The following PHACTR2 variants were observed in gnomAD, a reference collection of about 807,000 sequenced individuals.
PHACTR2 encodes chromosome 6 open reading frame 56.
PHACTR2 carries 30 observed loss-of-function variants against 76.0 expected under a neutral mutation model. That is an observed-to-expected ratio of 0.39 (90% CI 0.30 to 0.54). The LOEUF is 0.54. PHACTR2 is among the 20% of genes least tolerant of loss of function. The pLI, the probability that PHACTR2 is intolerant of heterozygous loss-of-function variation, is 0.61. For synonymous variants in PHACTR2, 292 were observed against 292.5 expected, an observed-to-expected ratio of 1.00 and a Z score of 0.02; for missense variants, 696 against 781.1, an observed-to-expected ratio of 0.89 and a Z score of 1.30.
intron 1 of PHACTR2, among the ~76,000 whole-genome samples, chr6:143,643,484 A>C (rs1047212576): frequency 3.3e-4 from 50 of 152,228 alleles, no homozygotes; most frequent in African/African-American, 1.2e-3. Flanking sequence ...AAGTCAAGTC[A>C]CTGGTTATAA....
rs1196617659 is a variant in PHACTR2 at position 143,556,555 on chromosome 6, A to T, written c.217+19348A>T. Among the ~76,000 whole-genome samples the T allele has an allele frequency of 6.6e-6, 1 of 152,344 alleles. No individual in the cohort carries two copies. Among genetic ancestry groups the T allele is most frequent in the Middle Eastern group, 3.4e-3 (1 of 294 alleles). Reference sequence around the variant, plus strand: ...AGATGAGAAAAAATATTTTGAGAAAAGTTGACTAGCTCCTCTGCAGTGACA... The same window carrying T: ...AGATGAGAAAAAATATTTTGAGAAATGTTGACTAGCTCCTCTGCAGTGACA... On this transcript the variant is annotated intron_variant, in intron 1 of 11. Transcript: ENST00000367584. The surrounding 1 kb of genome is among the most constrained non-coding windows in gnomAD (Gnocchi z 4.3).
rs1394041263 is a variant in PHACTR2, at chr6:143,809,931, G to A, written c.1922+2798G>A. On this transcript the variant is annotated intron_variant, in intron 12 of 12. Transcript: ENST00000440869. The surrounding 1 kb of genome is among the most constrained non-coding windows in gnomAD (Gnocchi z 4.2). ...GTTCGAGACCAGCCTGGACAACATAGCAAACCCTGTCTCTACTAAAAATAC... is the reference window on the plus strand; with the variant it reads ...GTTCGAGACCAGCCTGGACAACATAACAAACCCTGTCTCTACTAAAAATAC... Among the ~76,000 whole-genome samples, 1 of 151,888 alleles carries A rather than the reference G, an allele frequency of 6.6e-6. No homozygotes were observed. Among genetic ancestry groups the A allele is most frequent in the East Asian group, 1.9e-4 (1 of 5,170 alleles).
At chr6:143,629,024 C>T (rs1392801443) in intron 1 of PHACTR2, among the ~76,000 whole-genome samples, 1 of 142,360 alleles carries the variant, frequency 7.0e-6, no homozygotes, top group African/African-American at 2.6e-5. Flanking sequence ...AACTCTTGAT[C>T]TCCAGTACCT....
intron 12 of PHACTR2, among the ~76,000 whole-genome samples, chr6:143,815,505 T>C (rs1193764148): frequency 6.6e-6 from 1 of 152,140 alleles, no homozygotes; most frequent in African/African-American, 2.4e-5. Flanking sequence ...GGGGAATGAA[T>C]TATTTAGGAG....
At chr6:143,555,546 T>C (rs572641267) in intron 1 of PHACTR2, among the ~76,000 whole-genome samples, 6 of 152,322 alleles carry the variant, frequency 3.9e-5, no homozygotes, top group African/African-American at 1.4e-4. Context: ...GCCTGTGTTA[T>C]TCACTTCCCT....
chr6:143,755,304 G>C lies in PHACTR2; in HGVS notation c.454+1392G>C, dbSNP rs1405752015. The C allele has an allele frequency of 4.4e-6, 2 of 455,924 alleles. No homozygotes were observed. Among genetic ancestry groups the C allele is most frequent in the Non-Finnish European group, 4.4e-6 (1 of 226,798 alleles). The allele number at this position is 455,924 out of a possible 1,614,324, so 28.2% of individuals were successfully genotyped here. On this transcript the variant is annotated intron_variant, in intron 4 of 12. Coordinates refer to ENST00000440869, the MANE Select transcript of PHACTR2 (RefSeq NM_001100164.2). This position sits in a 1 kb window ranked among gnomAD's most constrained non-coding sequence, Gnocchi z 5.2. Reference sequence around the variant, plus strand: ...TAAGTCTTTCTGTCCTGTCTCGCCAGACTGTTGAATTTCAAATCCATCTGT... The same window carrying C: ...TAAGTCTTTCTGTCCTGTCTCGCCACACTGTTGAATTTCAAATCCATCTGT...
intron 1 of PHACTR2, among the ~76,000 whole-genome samples, chr6:143,545,589 T>C (rs990882705): frequency 6.6e-6 from 1 of 152,188 alleles, no homozygotes; most frequent in African/African-American, 2.4e-5. Context: ...GGAACCTGGT[T>C]TCAGAAGAGT....
At position 143,652,050 on chromosome 6, in the gene PHACTR2, A is replaced by T. The variant is rs1776771677; in HGVS notation, c.13+43728A>T. On this transcript the variant is annotated intron_variant, in intron 1 of 11. Transcript: ENST00000305766. This position sits in a 1 kb window ranked among gnomAD's most constrained non-coding sequence, Gnocchi z 4.5. ...TCTAGCCTCCAGCCTGAGAAATTAAAGTTCTGTTGTTTAAGCAAAAAAAAA... is the reference window on the plus strand; with the variant it reads ...TCTAGCCTCCAGCCTGAGAAATTAATGTTCTGTTGTTTAAGCAAAAAAAAA... Among the ~76,000 whole-genome samples the T allele has an allele frequency of 7.0e-6, 1 of 142,986 alleles. No homozygotes were observed. The highest frequency in any genetic ancestry group is 7.1e-5 in the Admixed American group (1 of 14,166). 93.8% of individuals were successfully genotyped at this position (142,986 alleles called of 152,430 possible).
At position 143,795,575 on chromosome 6, in the gene PHACTR2, G is replaced by C. The variant is rs372609057; in HGVS notation, c.1845+6665G>C. On this transcript the variant is annotated intron_variant, in intron 11 of 12. Transcript: ENST00000440869. This position sits in a 1 kb window ranked among gnomAD's most constrained non-coding sequence, Gnocchi z 4.8. ...GTGGCAGAGAGGTGAGGTCAGAGAA[G>C]GCCATTGAATTGGCCTGAAGACCTA... is the stretch of plus-strand genomic sequence containing the variant. Among the ~76,000 whole-genome samples the C allele has an allele frequency of 1.4e-4, 21 of 152,298 alleles. No individual in the cohort carries two copies. The South Asian group carries it at 4.1e-3, about 30-fold the overall frequency.
upstream of PHACTR2, among the ~76,000 whole-genome samples, chr6:143,673,137 A>G (rs1777185948): frequency 6.6e-6 from 1 of 152,032 alleles, no homozygotes; most frequent in Non-Finnish European, 1.5e-5. Flanking sequence ...TCCATACCTC[A>G]CTTATCCTTA....
Position 143,711,986 on chromosome 6 carries a change from C to G in PHACTR2, c.47-30C>G. On this transcript the variant is annotated intron_variant, in intron 1 of 12. Coordinates refer to ENST00000440869, the MANE Select transcript of PHACTR2 (RefSeq NM_001100164.2). The stretch of plus-strand genomic sequence containing the variant: ...GTTTTATTACAACCTTTTTTACAAC[C>G]TTTCTCTGTCTATATCTTTCTTTAT... 7 of 1,602,166 alleles carry G rather than the reference C, an allele frequency of 4.4e-6. No homozygotes were observed. In the Middle Eastern group the frequency reaches 5.0e-4, roughly 114 times the overall value.
At chr6:143,781,689 T>C (rs1198224113) in intron 9 of PHACTR2, among the ~76,000 whole-genome samples, 1 of 152,216 alleles carries the variant, frequency 6.6e-6, no homozygotes, top group African/African-American at 2.4e-5. Context: ...ACAAGCTTTA[T>C]CCAACTCATA....
chr6:143,681,505 A>G (rs2128453188), intron 1 of PHACTR2, among the ~76,000 whole-genome samples: 1 of 151,808 alleles, frequency 6.6e-6, no homozygotes, highest in East Asian at 1.9e-4. Context: ...TGTCAGGTAC[A>G]TGATTTGCAA....
Position 143,743,775 on chromosome 6 carries a change from C to T in PHACTR2, c.215-5210C>T, listed in dbSNP as rs942377716. On this transcript the variant is annotated intron_variant, in intron 2 of 12. Coordinates refer to ENST00000440869, the MANE Select transcript of PHACTR2 (RefSeq NM_001100164.2). This position sits in a 1 kb window ranked among gnomAD's most constrained non-coding sequence, Gnocchi z 5.0. ...TCAGAACTGAGAAGATAGCATGGCA[C>T]GCTTATTTAATAGTCTTCTATTTGC... is the stretch of plus-strand genomic sequence containing the variant. 9.2e-5 allele frequency among the ~76,000 whole-genome samples: 14 copies of T among 152,142 alleles called. No homozygotes were observed. The highest frequency in any genetic ancestry group is 2.0e-4 in the Admixed American group (3 of 15,274).
Position 143,807,261 on chromosome 6 carries a change from A to C in PHACTR2, c.1922+128A>C, listed in dbSNP as rs9376790. On this transcript the variant is annotated intron_variant, in intron 12 of 12. Transcript: ENST00000440869. This position sits in a 1 kb window ranked among gnomAD's most constrained non-coding sequence, Gnocchi z 5.5. ...AGGTATATTTCATCACAATTAAAAA[A>C]TGTTTTTAAACAGTTTAGCTTAAAA... 49,464 of 606,872 alleles carry C rather than the reference A, an allele frequency of 0.082. 2,269 individuals carry two copies. The highest frequency in any genetic ancestry group is 0.11 in the South Asian group (5,171 of 46,182). 37.6% of individuals were successfully genotyped at this position (606,872 alleles called of 1,614,324 possible).
Position 143,664,868 on chromosome 6 carries a change from G to A in PHACTR2, c.14-47148G>A, listed in dbSNP as rs896946946. On this transcript the variant is annotated intron_variant, in intron 1 of 11. Coordinates refer to the PHACTR2 transcript ENST00000305766. The surrounding 1 kb of genome is among the most constrained non-coding windows in gnomAD (Gnocchi z 5.1). ...GGCTGGAGTGCAGTGGTGCAATCTC[G>A]GTTCACTGCAACCTCTGCCTCCCTG... 1.1e-4 allele frequency among the ~76,000 whole-genome samples: 17 copies of A among 151,928 alleles called. No homozygotes were observed. The highest frequency in any genetic ancestry group is 4.1e-4 in the African/African-American group (17 of 41,394).
chr6:143,576,435 G>A (rs1775511159), intron 1 of PHACTR2, among the ~76,000 whole-genome samples: 1 of 152,218 alleles, frequency 6.6e-6, no homozygotes, highest in Admixed American at 6.5e-5. Flanking sequence ...AAGTTTAACA[G>A]ATTTTACATT....
At chr6:143,567,014 T>C (rs1430173499) in intron 1 of PHACTR2, among the ~76,000 whole-genome samples, 4 of 152,168 alleles carry the variant, frequency 2.6e-5, no homozygotes, top group African/African-American at 9.7e-5. Context: ...TCTCTGTAGA[T>C]GATTTATCTA....
rs1775803917 is a variant in PHACTR2, at chr6:143,795,484, T to C, written c.1845+6574T>C. On this transcript the variant is annotated intron_variant, in intron 11 of 12. Transcript: ENST00000440869. This position sits in a 1 kb window ranked among gnomAD's most constrained non-coding sequence, Gnocchi z 4.8. ...GTACTTAGAGCACTAGAAACAGATATATGTACAGTAAAATAGAGATGGCCT... is the reference window on the plus strand; with the variant it reads ...GTACTTAGAGCACTAGAAACAGATACATGTACAGTAAAATAGAGATGGCCT... Among the ~76,000 whole-genome samples the C allele has an allele frequency of 6.6e-6, 1 of 152,210 alleles. No individual in the cohort carries two copies. The highest frequency in any genetic ancestry group is 1.9e-4 in the East Asian group (1 of 5,188).
Sources: allele counts gnomAD v4.1 joint callset (sites outside exome capture counted in the v4.1 genomes callset), GRCh38; gene constraint gnomAD v4.1.1; non-coding constraint Gnocchi (gnomAD v3.1); transcripts MANE v1.5; gene names NCBI Gene and HGNC (gene_info 2026-07-23, HGNC 2026-07-21).